The following DCDC2 variants were observed in gnomAD, a reference collection of about 807,000 sequenced individuals.
DCDC2 encodes the protein doublecortin domain-containing protein 2.
A neutral mutation model predicts 50.2 loss-of-function variants in DCDC2; 40 were observed. That is an observed-to-expected ratio of 0.80 (90% CI 0.62 to 1.04). The LOEUF is 1.04. DCDC2 is among the 50% of genes least tolerant of loss of function. The probability of loss-of-function intolerance (pLI) is 0.00; values close to 1 mark genes in which losing one functional copy is unlikely to be tolerated. For missense variants in DCDC2, 570 were observed against 581.9 expected, an observed-to-expected ratio of 0.98 and a Z score of 0.21; for synonymous variants, 234 against 210.6, an observed-to-expected ratio of 1.11 and a Z score of -0.96.
chr6:24,224,317 G>A (rs1762182232), intron 7 of DCDC2, among the ~76,000 whole-genome samples: 1 of 152,124 alleles, frequency 6.6e-6, no homozygotes, highest in East Asian at 1.9e-4. Flanking sequence ...AAGATACAAA[G>A]AACCAGAGCC....
chr6:24,234,246 C>G (rs1417765388), intron 7 of DCDC2, among the ~76,000 whole-genome samples: 2 of 150,644 alleles, frequency 1.3e-5, no homozygotes, highest in Non-Finnish European at 3.0e-5. Flanking sequence ...AAAAAAAAAT[C>G]GCACGGGGCA....
At chr6:24,295,685 A>G (rs1056797448) in intron 4 of DCDC2, among the ~76,000 whole-genome samples, 5 of 152,184 alleles carry the variant, frequency 3.3e-5, no homozygotes, top group Non-Finnish European at 5.9e-5. Flanking sequence ...ACAACACCCA[A>G]GCTGAGCACC....
chr6:24,210,620 T>A (rs1189004079), intron 7 of DCDC2, among the ~76,000 whole-genome samples: 1 of 152,260 alleles, frequency 6.6e-6, no homozygotes, highest in Non-Finnish European at 1.5e-5. Context: ...CACCATTATC[T>A]GTTGGATGGG....
chr6:24,367,563 T>G, the DCDC2 span, among the ~76,000 whole-genome samples: 1 of 152,222 alleles, frequency 6.6e-6, no homozygotes, highest in African/African-American at 2.4e-5. Flanking sequence ...GACCCCTAGA[T>G]AGTTATGGAA....
At position 24,226,362 on chromosome 6, in the gene DCDC2, A is replaced by G. The variant is rs1329228836; in HGVS notation, c.923-21260T>C. Among the ~76,000 whole-genome samples, 11 of 152,228 alleles carry G rather than the reference A, an allele frequency of 7.2e-5. No homozygotes were observed. In the East Asian group the frequency reaches 1.2e-3, roughly 16 times the overall value. On this transcript the variant is annotated intron_variant, in intron 7 of 9. Coordinates refer to ENST00000378454, the MANE Select transcript of DCDC2 (RefSeq NM_016356.5). ...AAGAATGATTCTTTCTAAGGGCTCA[A>G]TGAAGTTTTCCCAGAGAAACTGAAA...
chr6:24,175,027 A>T (rs1257910923), intron 9 of DCDC2, among the ~76,000 whole-genome samples, 193 bp from the exon 10 acceptor site: 3 of 152,144 alleles, frequency 2.0e-5, no homozygotes, highest in South Asian at 4.1e-4. Flanking sequence ...CACTTGTACA[A>T]AAGTCCTTTT....
intron 7 of DCDC2, among the ~76,000 whole-genome samples, chr6:24,242,574 A>G (rs971991995): frequency 2.6e-5 from 4 of 152,188 alleles, no homozygotes; most frequent in African/African-American, 9.7e-5. Flanking sequence ...ACAGATGCCC[A>G]TATCTAATTC....
At chr6:24,363,720 T>C in the DCDC2 span, among the ~76,000 whole-genome samples, 1 of 152,166 alleles carries the variant, frequency 6.6e-6, no homozygotes. Context: ...ATTTTTTAAA[T>C]CCATCCACTT....
chr6:24,271,354 G>C (rs1561752198), intron 7 of DCDC2, among the ~76,000 whole-genome samples: 1 of 152,108 alleles, frequency 6.6e-6, no homozygotes. Flanking sequence ...GAAGCAAAGA[G>C]GCCCTGCTTA....
chr6:24,303,366 C>T (rs763041365), intron 2 of DCDC2, among the ~76,000 whole-genome samples: 16 of 152,068 alleles, frequency 1.1e-4, no homozygotes, highest in Non-Finnish European at 1.8e-4. Flanking sequence ...ACAGACTCCT[C>T]GTCACGCACT....
At chr6:24,194,708 T>C (rs1477536414) in intron 8 of DCDC2, among the ~76,000 whole-genome samples, 2 of 152,194 alleles carry the variant, frequency 1.3e-5, no homozygotes, top group Admixed American at 1.3e-4. Flanking sequence ...GGGTCATCAG[T>C]GCCAGAGCAA....
intron 7 of DCDC2, among the ~76,000 whole-genome samples, chr6:24,274,688 T>C (rs1321289568): frequency 6.7e-6 from 1 of 149,044 alleles, no homozygotes; most frequent in Middle Eastern, 3.3e-3. Context: ...TACAGACTGA[T>C]AGAAGCATTG....
intron 2 of DCDC2, among the ~76,000 whole-genome samples, chr6:24,334,487 T>C (rs1760021151): frequency 1.3e-5 from 2 of 152,194 alleles, no homozygotes; most frequent in Non-Finnish European, 2.9e-5. Context: ...GACACACCCA[T>C]TCACTCACAA....
At position 24,172,819 on chromosome 6, in the gene DCDC2, C is replaced by T. The variant is rs1484209750; in HGVS notation, c.*1911G>A. 6.6e-6 allele frequency: 1 copy of T among 151,724 alleles called. No individual in the cohort carries two copies. The allele number at this position is 151,724 out of a possible 1,614,324, so 9.4% of individuals were successfully genotyped here. Reference sequence around the variant, plus strand: ...GACCAGCCTGGCCAACATGGTGAAACATCTGTCTCTACAAAAAATACAAAA... The same window carrying T: ...GACCAGCCTGGCCAACATGGTGAAATATCTGTCTCTACAAAAAATACAAAA... On this transcript the variant is annotated 3_prime_UTR_variant, in exon 10 of 10. Transcript: ENST00000378454.
chr6:24,239,832 T>C (rs1318678586), intron 7 of DCDC2, among the ~76,000 whole-genome samples: 2 of 152,166 alleles, frequency 1.3e-5, no homozygotes, highest in Non-Finnish European at 2.9e-5. Flanking sequence ...ATTCGAGTTT[T>C]TGACGTCTCT....
At chr6:24,245,615 C>G (rs1170270089) in intron 7 of DCDC2, among the ~76,000 whole-genome samples, 1 of 152,192 alleles carries the variant, frequency 6.6e-6, no homozygotes, top group Non-Finnish European at 1.5e-5. Context: ...TTACCTTACC[C>G]TAGACACACA....
At chr6:24,239,681 G>A (rs567533682) in intron 7 of DCDC2, among the ~76,000 whole-genome samples, 1 of 152,116 alleles carries the variant, frequency 6.6e-6, no homozygotes, top group South Asian at 2.1e-4. Context: ...CAGGCTAAAA[G>A]GAAATAATCC....
At position 24,293,776 on chromosome 6, in the gene DCDC2, C is replaced by A. The variant is rs569395800; in HGVS notation, c.558-2698G>T. ...CATACCCTAAAATTAACCACAAAACCAAACATAAAACAATCCTCAGAAAAT... is the reference window on the plus strand; with the variant it reads ...CATACCCTAAAATTAACCACAAAACAAAACATAAAACAATCCTCAGAAAAT... On this transcript the variant is annotated intron_variant, in intron 4 of 9. Transcript: ENST00000378454. Among the ~76,000 whole-genome samples, 939 of 152,260 alleles carry A rather than the reference C, an allele frequency of 6.2e-3. 4 individuals carry two copies. Among genetic ancestry groups the A allele is most frequent in the Non-Finnish European group, 0.01 (692 of 68,022 alleles).
intron 2 of DCDC2, among the ~76,000 whole-genome samples, chr6:24,333,633 G>A (rs1760006610): frequency 6.6e-6 from 1 of 152,176 alleles, no homozygotes; most frequent in Admixed American, 6.6e-5. Context: ...GTAAAGTCTT[G>A]CAGGCTAAGT....
Sources: gnomAD v4.1 joint callset for allele counts (sites outside exome capture counted in the v4.1 genomes callset) on GRCh38, gnomAD v4.1.1 for gene constraint, MANE v1.5 for transcripts, NCBI Gene and HGNC (gene_info 2026-07-23, HGNC 2026-07-21) for gene names.